SLC38A12: variants seen among roughly 807,000 people sequenced by gnomAD.
SLC38A12 encodes solute carrier family 38 member 12, also known as putative sodium-coupled neutral amino acid transporter 12.
chr17:74,779,344 G>A, the SLC38A12 span, among the ~76,000 whole-genome samples: 1 of 152,150 alleles, frequency 6.6e-6, no homozygotes, highest in Admixed American at 6.5e-5. Context: ...ATTTCGTTCA[G>A]GGTCTTTGTT....
At chr17:74,806,942 A>G in the SLC38A12 span, among the ~76,000 whole-genome samples, 4 of 152,092 alleles carry the variant, frequency 2.6e-5, no homozygotes, top group Admixed American at 2.6e-4. Context: ...GAACTGCCCC[A>G]GGGTCATGAA....
At chr17:74,781,860 C>G in the SLC38A12 span, among the ~76,000 whole-genome samples, 4 of 152,224 alleles carry the variant, frequency 2.6e-5, no homozygotes, top group Non-Finnish European at 4.4e-5. Context: ...CACCCCTGCC[C>G]GGCTTGCTGT....
the SLC38A12 span, among the ~76,000 whole-genome samples, chr17:74,813,298 TCAGCTGA>T: frequency 6.6e-6 from 1 of 152,242 alleles, no homozygotes; most frequent in Admixed American, 6.5e-5. Context: ...GCATCACCAG[TCAGCTGA>T]CAGCTGCCCT....
chr17:74,835,915 C>G, the SLC38A12 span: 1 of 1,590,696 alleles, frequency 6.3e-7, no homozygotes, highest in South Asian at 1.1e-5. Flanking sequence ...ACTCCTCTCT[C>G]TCGTTTCCCA....
the SLC38A12 span, chr17:74,794,880 G>C: frequency 1.4e-6 from 1 of 737,142 alleles, no homozygotes; most frequent in Non-Finnish European, 2.2e-6. Context: ...CCCACTTTTT[G>C]TAGAAAGTAA....
the SLC38A12 span, among the ~76,000 whole-genome samples, chr17:74,814,317 CTTGGAGATG>C: frequency 2.6e-5 from 4 of 151,146 alleles, no homozygotes; most frequent in Non-Finnish European, 5.9e-5. Flanking sequence ...CTGTGGGGAT[CTTGGAGATG>C]CCGATGATGG....
chr17:74,802,142 G>C, the SLC38A12 span, among the ~76,000 whole-genome samples: 1 of 152,194 alleles, frequency 6.6e-6, no homozygotes, highest in Non-Finnish European at 1.5e-5. Flanking sequence ...CTCATCCCCA[G>C]TGCCCATGCT....
the SLC38A12 span, among the ~76,000 whole-genome samples, chr17:74,815,991 G>A: frequency 4.7e-3 from 713 of 152,308 alleles, 13 homozygotes; most frequent in Admixed American, 0.042. Flanking sequence ...CCGTGAGGCT[G>A]CAGGGTCCCT....
chr17:74,777,391 A>G, the SLC38A12 span: 6 of 1,614,076 alleles, frequency 3.7e-6, no homozygotes, highest in Non-Finnish European at 5.1e-6. Flanking sequence ...TGTGACTTAT[A>G]GAACCTTTTG....
At chr17:74,815,030 C>G in the SLC38A12 span, among the ~76,000 whole-genome samples, 2 of 152,098 alleles carry the variant, frequency 1.3e-5, no homozygotes, top group East Asian at 3.9e-4. Flanking sequence ...TCTTTGCCAG[C>G]AGGAGGGTGA....
At chr17:74,781,388 G>A in the SLC38A12 span, among the ~76,000 whole-genome samples, 21 of 151,950 alleles carry the variant, frequency 1.4e-4, no homozygotes, top group Non-Finnish European at 2.8e-4. Context: ...GGGCTCAGGC[G>A]ATTTTCCCAT....
the SLC38A12 span, chr17:74,836,766 T>C: frequency 6.7e-7 from 1 of 1,501,588 alleles, no homozygotes; most frequent in South Asian, 1.3e-5. The surrounding 1 kb of genome is among the most constrained non-coding windows in gnomAD (Gnocchi z 4.2). Context: ...CAGATTTAGT[T>C]GCTCCCAGGT....
the SLC38A12 span, chr17:74,839,421 TG>T: frequency 3.1e-6 from 1 of 319,018 alleles, no homozygotes. Flanking sequence ...GCGTCCTGTC[TG>T]GGGGCAGATT....
At chr17:74,830,070 G>A in the SLC38A12 span, among the ~76,000 whole-genome samples, 1 of 152,120 alleles carries the variant, frequency 6.6e-6, no homozygotes, top group African/African-American at 2.4e-5. Context: ...AGAGACCGAA[G>A]AGAGGTGAGC....
the SLC38A12 span, among the ~76,000 whole-genome samples, chr17:74,803,165 T>C: frequency 4.9e-4 from 74 of 152,316 alleles, no homozygotes; most frequent in African/African-American, 1.4e-3. Context: ...GTTTCCCTAG[T>C]GTATTTAAAT....
At chr17:74,820,314 T>C in the SLC38A12 span, among the ~76,000 whole-genome samples, 1 of 152,250 alleles carries the variant, frequency 6.6e-6, no homozygotes, top group Non-Finnish European at 1.5e-5. Flanking sequence ...AGCCACTCTC[T>C]GCCTCTGGGT....
At chr17:74,836,200 T>C in the SLC38A12 span, 1 of 1,612,422 alleles carries the variant, frequency 6.2e-7, no homozygotes, top group East Asian at 2.2e-5. This position sits in a 1 kb window ranked among gnomAD's most constrained non-coding sequence, Gnocchi z 4.2. Flanking sequence ...GACAGCCTCA[T>C]GGACATGTAC....
At chr17:74,823,457 C>T in the SLC38A12 span, among the ~76,000 whole-genome samples, 1 of 152,242 alleles carries the variant, frequency 6.6e-6, no homozygotes, top group Non-Finnish European at 1.5e-5. Flanking sequence ...CTCGGAAGCC[C>T]CATCGTTCTG....
At chr17:74,838,421 T>C in the SLC38A12 span, 1 of 1,009,214 alleles carries the variant, frequency 9.9e-7, no homozygotes. Flanking sequence ...TCCAATTACG[T>C]TCCCTCTTGC....
Sources: gnomAD v4.1 joint callset for allele counts (sites outside exome capture counted in the v4.1 genomes callset) on GRCh38, gnomAD v4.1.1 for gene constraint, Gnocchi (gnomAD v3.1) non-coding constraint, MANE v1.5 for transcripts, NCBI Gene and HGNC (gene_info 2026-07-23, HGNC 2026-07-21) for gene names.